The following VOPP1 variants were observed in gnomAD, a reference collection of about 807,000 sequenced individuals.
VOPP1 encodes VOPP1 WW domain binding protein.
In VOPP1, 8 loss-of-function variants were observed where a neutral mutation model predicts 23.5. That is an observed-to-expected ratio of 0.34 (90% confidence interval 0.20 to 0.61). The LOEUF is 0.61. Ranked by LOEUF, VOPP1 falls within the 20% of genes least tolerant of loss-of-function variation. The probability of loss-of-function intolerance (pLI) is 0.78; values close to 1 mark genes in which losing one functional copy is unlikely to be tolerated. For missense variants in VOPP1, 174 were observed against 238.1 expected (o/e 0.73, Z 1.77); for synonymous variants, 83 against 97.3 (o/e 0.85, Z 0.86).
At chr7:55,552,021 CAAAAAAAAAAAAAAAAAA>C (rs202229227) in intron 1 of VOPP1, among the ~76,000 whole-genome samples, 5 of 55,796 alleles carry the variant, frequency 9.0e-5, no homozygotes, top group African/African-American at 1.7e-4. Context: ...AGACTGTGTC[CAAAAAAAAAAAAAAAAAA>C]AAAAAAAAGG....
chr7:55,535,210 C>T (rs969624272), intron 1 of VOPP1, among the ~76,000 whole-genome samples: 16 of 152,352 alleles, frequency 1.1e-4, no homozygotes, highest in East Asian at 7.7e-4. Flanking sequence ...AGCACACCAA[C>T]TCCTGCTAGA....
chr7:55,438,535 C>T (rs1445396494), intron 4 of VOPP1, among the ~76,000 whole-genome samples: 1 of 152,174 alleles, frequency 6.6e-6, no homozygotes, highest in Non-Finnish European at 1.5e-5. Context: ...AAAGTCAACA[C>T]TCGGAGAAAG....
chr7:55,465,459 T>C (rs1374145356), intron 4 of VOPP1, among the ~76,000 whole-genome samples: 1 of 152,214 alleles, frequency 6.6e-6, no homozygotes, highest in Non-Finnish European at 1.5e-5. Context: ...GTCTGAAAGA[T>C]GGAGACTACA....
chr7:55,473,683 A>T (rs1269000747), intron 4 of VOPP1, among the ~76,000 whole-genome samples: 3 of 152,174 alleles, frequency 2.0e-5, no homozygotes. Context: ...TCTAGCCCTC[A>T]CTCTGAGGTG....
intron 1 of VOPP1, among the ~76,000 whole-genome samples, chr7:55,538,434 C>T (rs1796936248): frequency 6.6e-6 from 1 of 152,180 alleles, no homozygotes; most frequent in Non-Finnish European, 1.5e-5. Flanking sequence ...TCTTTGCTAA[C>T]TTGATGCTCA....
intron 4 of VOPP1, among the ~76,000 whole-genome samples, chr7:55,459,862 T>C (rs1791455348): frequency 6.6e-6 from 1 of 152,092 alleles, no homozygotes; most frequent in Non-Finnish European, 1.5e-5. Context: ...TAGTCTCTAT[T>C]TTGTTTTTGT....
intron 1 of VOPP1, among the ~76,000 whole-genome samples, chr7:55,540,367 C>T (rs1797068231): frequency 6.6e-6 from 1 of 151,540 alleles, no homozygotes; most frequent in Non-Finnish European, 1.5e-5. Context: ...TACTGCACTC[C>T]AGCCTGGCGA....
intron 4 of VOPP1, among the ~76,000 whole-genome samples, chr7:55,437,548 T>C (rs895870958): frequency 1.7e-4 from 26 of 152,222 alleles, no homozygotes; most frequent in Admixed American, 9.8e-4. Flanking sequence ...TTGCAAGTTG[T>C]AGGATTTTCA....
intron 1 of VOPP1, among the ~76,000 whole-genome samples, chr7:55,536,465 G>C (rs1341202334): frequency 6.6e-6 from 1 of 152,108 alleles, no homozygotes; most frequent in Non-Finnish European, 1.5e-5. Flanking sequence ...GGAGGCAGAG[G>C]TTGCAGTGAG....
chr7:55,528,203 A>C (rs930342685), intron 1 of VOPP1, among the ~76,000 whole-genome samples: 1 of 152,190 alleles, frequency 6.6e-6, no homozygotes, highest in Admixed American at 6.5e-5. Context: ...TTTTGCTAAG[A>C]AAAAAAGGTC....
At chr7:55,451,228 C>T (rs1791235096) in intron 4 of VOPP1, among the ~76,000 whole-genome samples, 1 of 152,190 alleles carries the variant, frequency 6.6e-6, no homozygotes. Flanking sequence ...TTTCTGGACA[C>T]TTCCGCACAG....
intron 2 of VOPP1, among the ~76,000 whole-genome samples, chr7:55,514,805 G>C (rs1484857837): frequency 6.6e-6 from 1 of 152,180 alleles, no homozygotes; most frequent in Non-Finnish European, 1.5e-5. Flanking sequence ...CTGTGTATCT[G>C]GCAGACTCTG....
intron 4 of VOPP1, among the ~76,000 whole-genome samples, chr7:55,481,457 G>C (rs562726447): frequency 2.0e-5 from 3 of 152,344 alleles, no homozygotes; most frequent in African/African-American, 7.2e-5. Flanking sequence ...TGAATAAAGG[G>C]TGGTAGCAGC....
chr7:55,445,573 A>T (rs1791081502), intron 4 of VOPP1, among the ~76,000 whole-genome samples: 1 of 152,190 alleles, frequency 6.6e-6, no homozygotes, highest in Non-Finnish European at 1.5e-5. Flanking sequence ...AACCTAGGAC[A>T]ATCCCCTCAA....
chr7:55,463,499 G>C (rs1791558418), intron 4 of VOPP1, among the ~76,000 whole-genome samples: 1 of 152,184 alleles, frequency 6.6e-6, no homozygotes. Flanking sequence ...TTTATTTTGG[G>C]TGGGGGCAGT....
chr7:55,534,271 T>C (rs1489717769), intron 1 of VOPP1, among the ~76,000 whole-genome samples: 3 of 151,946 alleles, frequency 2.0e-5, no homozygotes, highest in Non-Finnish European at 2.9e-5. Flanking sequence ...CTAAATTCCA[T>C]CTGGGGACTT....
chr7:55,526,080 T>C (rs144655529), intron 1 of VOPP1, among the ~76,000 whole-genome samples: 1,673 of 152,338 alleles, frequency 0.011, 11 homozygotes, highest in Middle Eastern at 0.02. Flanking sequence ...ATATTCCCTC[T>C]GTGTGCAGAG....
chr7:55,467,883 G>A (rs556471581), downstream of VOPP1, among the ~76,000 whole-genome samples: 4 of 152,188 alleles, frequency 2.6e-5, no homozygotes, highest in Non-Finnish European at 5.9e-5. Context: ...TAAAACTGAT[G>A]GCAGGATTCC....
At chr7:55,507,377 G>A (rs1794796415) in intron 2 of VOPP1, among the ~76,000 whole-genome samples, 1 of 152,140 alleles carries the variant, frequency 6.6e-6, no homozygotes, top group Non-Finnish European at 1.5e-5. Context: ...GGGTGAGCTG[G>A]TGGGTGGGGG....
Sources: gnomAD v4.1 joint callset for allele counts (sites outside exome capture counted in the v4.1 genomes callset) on GRCh38, gnomAD v4.1.1 for gene constraint, MANE v1.5 for transcripts, NCBI Gene and HGNC (gene_info 2026-07-23, HGNC 2026-07-21) for gene names.